The following LRBA variants were observed in gnomAD, a reference collection of about 807,000 sequenced individuals.
LRBA encodes LPS responsive beige-like anchor protein.
In LRBA, 176 loss-of-function variants were observed where a neutral mutation model predicts 330.0. That is an observed-to-expected ratio of 0.53 (90% CI 0.47 to 0.60). The LOEUF (loss-of-function observed/expected upper bound fraction) is 0.60, where lower values mean the gene tolerates loss of function less well. Ranked by LOEUF, LRBA falls within the 20% of genes least tolerant of loss-of-function variation. LRBA has a pLI of 0.00. For synonymous variants in LRBA, 1,230 were observed against 1,193.0 expected (o/e 1.03, Z -0.64); for missense variants, 3,259 against 3,444.8 (o/e 0.95, Z 1.35).
At chr4:150,917,703 G>A (rs1043822174) in intron 5 of LRBA, among the ~76,000 whole-genome samples, 3 of 152,150 alleles carry the variant, frequency 2.0e-5, no homozygotes, top group African/African-American at 7.2e-5. Flanking sequence ...AAGGCAGGCA[G>A]ATCATCTGCG....
intron 24 of LRBA, 33 bp downstream of exon 24, chr4:150,850,691 T>C (rs942879600): frequency 6.5e-6 from 9 of 1,384,826 alleles, no homozygotes; most frequent in Non-Finnish European, 9.1e-6. Flanking sequence ...ACTAGGTTTA[T>C]ACACATCTTC....
chr4:150,956,419 G>A (rs1431675158), intron 2 of LRBA, among the ~76,000 whole-genome samples: 3 of 148,454 alleles, frequency 2.0e-5, no homozygotes, highest in Non-Finnish European at 4.4e-5. Context: ...CTTAGGCCCA[G>A]GTGGCTTCAC....
At chr4:150,883,555 T>C (rs1728635864) in intron 17 of LRBA, among the ~76,000 whole-genome samples, 1 of 152,164 alleles carries the variant, frequency 6.6e-6, no homozygotes, top group Admixed American at 6.5e-5. Context: ...GAATTTTCTG[T>C]CTCTCCCCGA....
At position 150,321,175 on chromosome 4, in the gene LRBA, G is replaced by C. The variant is rs757645829; in HGVS notation, c.7630+16C>G. On this transcript the variant is annotated intron_variant, in intron 50 of 56. Transcript: ENST00000651943. The surrounding 1 kb of genome is among the most constrained non-coding windows in gnomAD (Gnocchi z 4.5). Reference sequence around the variant, plus strand: ...TCAGCAGTTACCATGCCTTATAATGGTATTTCTTTACTTACCAGGAAGGTT... The same window carrying C: ...TCAGCAGTTACCATGCCTTATAATGCTATTTCTTTACTTACCAGGAAGGTT... The C allele has an allele frequency of 6.2e-7, 1 of 1,601,340 alleles. No individual in the cohort carries two copies. The highest frequency in any genetic ancestry group is 8.5e-7 in the Non-Finnish European group (1 of 1,174,126).
chr4:150,817,151 C>T lies in LRBA; in HGVS notation c.5278G>A (p.Ala1760Thr). 6.2e-7 allele frequency: 1 copy of T among 1,612,054 alleles called. No individual in the cohort carries two copies. Among genetic ancestry groups the T allele is most frequent in the Non-Finnish European group, 8.5e-7 (1 of 1,178,606 alleles). Residue 1760 changes from alanine to threonine, a missense_variant, in exon 31 of 57, where the codon GCC (alanine) becomes ACC (threonine). Physicochemically the swap from Ala to Thr is moderately conservative, Grantham distance 58. Transcript: ENST00000651943. ...SVVSSVDSAQASDMGGESPGS... is the reference protein window; with the variant it reads ...SVVSSVDSAQTSDMGGESPGS... Reference sequence around the variant, plus strand: ...GGTGATTCTCCTCCCATATCTGAGGCTTGGGCTGAATCTACTGAGGAAACC... The same window carrying T: ...GGTGATTCTCCTCCCATATCTGAGGTTTGGGCTGAATCTACTGAGGAAACC...
intron 37 of LRBA, among the ~76,000 whole-genome samples, chr4:150,660,511 G>T (rs1390038198): frequency 2.0e-5 from 3 of 151,426 alleles, no homozygotes; most frequent in African/African-American, 7.2e-5. Flanking sequence ...CCGGCCAGCC[G>T]CCCTGTCCGG....
chr4:150,289,835 A>G (rs900226608), intron 53 of LRBA, among the ~76,000 whole-genome samples: 1 of 152,250 alleles, frequency 6.6e-6, no homozygotes, highest in Non-Finnish European at 1.5e-5. Context: ...TATAGCAGAT[A>G]TATGATATGG....
At position 150,724,894 on chromosome 4, in the gene LRBA, GTATA is replaced by G. The variant is rs1019345049; in HGVS notation, c.5754+10360_5754+10363del. On this transcript the variant is annotated intron_variant, in intron 36 of 56. Coordinates refer to ENST00000651943, the MANE Select transcript of LRBA (RefSeq NM_001364905.1). ...TATGTATATATATACATATATATAT[GTATA>G]TATATACACACACACACACACACAT... 5.9e-4 allele frequency among the ~76,000 whole-genome samples: 85 copies of G among 145,274 alleles called. No homozygotes were observed. The South Asian group carries it at 0.017, about 30-fold the overall frequency.
Position 150,994,286 on chromosome 4 carries a change from CT to C in LRBA, c.216+20140del, listed in dbSNP as rs1462465627. On this transcript the variant is annotated intron_variant, in intron 2 of 56. Transcript: ENST00000651943. ...TCTGAGGCTGCCTGAGGTTCAACATCTTTTGTGACCTCGACTGGGGTAATTA... is the reference window on the plus strand; with the variant it reads ...TCTGAGGCTGCCTGAGGTTCAACATCTTTGTGACCTCGACTGGGGTAATTA... Among the ~76,000 whole-genome samples the C allele has an allele frequency of 2.6e-5, 4 of 152,102 alleles. No individual in the cohort carries two copies. The East Asian group carries it at 5.8e-4, about 22-fold the overall frequency.
chr4:150,758,458 A>G (rs1471002678), intron 35 of LRBA, among the ~76,000 whole-genome samples: 1 of 152,142 alleles, frequency 6.6e-6, no homozygotes, highest in Admixed American at 6.5e-5. Flanking sequence ...CTTATCTTCA[A>G]AATAGGTTCA....
At chr4:150,932,834 T>G (rs1734657247) in intron 2 of LRBA, among the ~76,000 whole-genome samples, 1 of 151,958 alleles carries the variant, frequency 6.6e-6, no homozygotes, top group Non-Finnish European at 1.5e-5. Flanking sequence ...AAGAATCACT[T>G]GAACCCACGA....
intron 42 of LRBA, among the ~76,000 whole-genome samples, chr4:150,487,251 A>G (rs1334579544): frequency 6.6e-6 from 1 of 150,950 alleles, no homozygotes; most frequent in Non-Finnish European, 1.5e-5. Flanking sequence ...CACATATACC[A>G]TTATGATATA....
intron 37 of LRBA, among the ~76,000 whole-genome samples, chr4:150,618,848 G>A (rs1035714520): frequency 1.4e-4 from 21 of 146,262 alleles, no homozygotes; most frequent in African/African-American, 4.8e-4. Context: ...ATGTGTGTAT[G>A]TATATATATA....
chr4:150,449,403 A>G (rs1482069390), intron 44 of LRBA, among the ~76,000 whole-genome samples: 1 of 152,026 alleles, frequency 6.6e-6, no homozygotes, highest in Non-Finnish European at 1.5e-5. Flanking sequence ...TCCGTACCTG[A>G]GGACCATTTC....
chr4:150,852,448 C>G lies in LRBA; in HGVS notation c.3262G>C (p.Glu1088Gln), dbSNP rs142075710. The G allele has an allele frequency of 3.0e-4, 480 of 1,613,460 alleles. No homozygotes were observed. The highest frequency in any genetic ancestry group is 4.0e-4 in the Non-Finnish European group (467 of 1,180,000). ...AATTCTGGCATCTCTGAGGCATCCT[C>G]TTCTGAAGGAGAACTTATAGAAGCA... ...VTASISSPSE[E>Q]DASEMPEFLD... The change falls in exon 23 of 57, where the codon GAG (glutamate) becomes CAG (glutamine). Residue 1088 changes from glutamate (E) to glutamine (Q), a missense_variant. Physicochemically the swap from Glu to Gln is conservative, Grantham distance 29. Coordinates refer to ENST00000651943, the MANE Select transcript of LRBA (RefSeq NM_001364905.1).
intron 55 of LRBA, among the ~76,000 whole-genome samples, 182 bp downstream of exon 55, chr4:150,282,268 C>T (rs572488350): frequency 9.2e-5 from 14 of 152,230 alleles, no homozygotes; most frequent in Admixed American, 7.9e-4. Flanking sequence ...ACAGCTGGCA[C>T]TGCTGTGGTG....
intron 34 of LRBA, among the ~76,000 whole-genome samples, chr4:150,772,770 T>C (rs932085934): frequency 2.0e-5 from 3 of 152,316 alleles, no homozygotes; most frequent in South Asian, 4.1e-4. Context: ...TTAGATCTCC[T>C]GGAGCCTATG....
At chr4:150,935,922 C>T (rs577364992) in intron 2 of LRBA, among the ~76,000 whole-genome samples, 62 of 151,498 alleles carry the variant, frequency 4.1e-4, no homozygotes, top group African/African-American at 1.2e-3. Flanking sequence ...AAATTAGAAG[C>T]CACAAATATA....
At chr4:150,561,649 G>A (rs1005620976) in intron 40 of LRBA, among the ~76,000 whole-genome samples, 18 of 152,050 alleles carry the variant, frequency 1.2e-4, no homozygotes, top group Non-Finnish European at 2.2e-4. Flanking sequence ...GTAAGGAAAC[G>A]AATTCTCCCC....
Sources: gnomAD v4.1 joint callset for allele counts (sites outside exome capture counted in the v4.1 genomes callset) on GRCh38, gnomAD v4.1.1 for gene constraint, Gnocchi (gnomAD v3.1) non-coding constraint, MANE v1.5 for transcripts, NCBI Gene and HGNC (gene_info 2026-07-23, HGNC 2026-07-21) for gene names.